PDE1C: variants seen among roughly 807,000 people sequenced by gnomAD.
PDE1C encodes the protein phosphodiesterase 1C.
Under a neutral mutation model 93.1 loss-of-function variants are expected in PDE1C, and 62 were observed. That is an observed-to-expected ratio of 0.67 (90% CI 0.54 to 0.82). The LOEUF (loss-of-function observed/expected upper bound fraction) is 0.82. Among genes scored for constraint, PDE1C ranks in the 40% least tolerant of loss-of-function variants. The probability of loss-of-function intolerance (pLI) is 0.00; values close to 1 mark genes in which losing one functional copy is unlikely to be tolerated. For missense variants in PDE1C, 742 were observed against 884.6 expected (o/e 0.84, Z 2.04); for synonymous variants, 325 against 310.1 (o/e 1.05, Z -0.50).
chr7:32,077,446 C>T (rs117109569), intron 3 of PDE1C, among the ~76,000 whole-genome samples: 2,716 of 152,100 alleles, frequency 0.018, 29 homozygotes, highest in Non-Finnish European at 0.023. Context: ...ATAGATATAC[C>T]GATAATTTTC....
At chr7:32,082,629 C>T (rs533965322) in intron 3 of PDE1C, among the ~76,000 whole-genome samples, 36 of 152,132 alleles carry the variant, frequency 2.4e-4, no homozygotes, top group Non-Finnish European at 4.3e-4. Context: ...ACACCTCACA[C>T]GGCTGGGTAC....
At chr7:32,082,020 G>A (rs1249341164) in intron 3 of PDE1C, among the ~76,000 whole-genome samples, 1 of 152,216 alleles carries the variant, frequency 6.6e-6, no homozygotes, top group Non-Finnish European at 1.5e-5. Flanking sequence ...GCAGGACAGT[G>A]GGTGCAGCGC....
At chr7:31,976,319 G>T (rs1811658717) in intron 2 of PDE1C, among the ~76,000 whole-genome samples, 1 of 152,140 alleles carries the variant, frequency 6.6e-6, no homozygotes, top group South Asian at 2.1e-4. Flanking sequence ...AAAAGAACCA[G>T]TCTAGAAGAG....
chr7:32,382,425 CA>C (rs2128090543), intron 1 of PDE1C, among the ~76,000 whole-genome samples: 1 of 152,268 alleles, frequency 6.6e-6, no homozygotes, highest in African/African-American at 2.4e-5. Flanking sequence ...TCCCTGTCCC[CA>C]GAGCTGAGTC....
At chr7:31,762,035 C>G (rs566626707) in intron 17 of PDE1C, among the ~76,000 whole-genome samples, 67 of 152,342 alleles carry the variant, frequency 4.4e-4, no homozygotes, top group African/African-American at 1.6e-3. Flanking sequence ...ATTTCCATCC[C>G]TTTCCTCAGA....
At chr7:31,716,625 C>T in the PDE1C span, among the ~76,000 whole-genome samples, 1 of 152,192 alleles carries the variant, frequency 6.6e-6, no homozygotes, top group Non-Finnish European at 1.5e-5. Context: ...GGTGAGTGGT[C>T]ACTATGCATC....
chr7:32,209,687 G>A lies in PDE1C; in HGVS notation c.86-148C>T, dbSNP rs768555127. On this transcript the variant is annotated intron_variant, in intron 1 of 18. Coordinates refer to the PDE1C transcript ENST00000396193. ...GAATAAAAGCAACTTTACTCCCTCC[G>A]TGTCTGTATTTCCAAGGCTGCCCTC... 219 of 635,190 alleles carry A rather than the reference G, an allele frequency of 3.4e-4. 1 individual carries two copies. The highest frequency in any genetic ancestry group is 7.8e-5 in the Non-Finnish European group (29 of 373,596). 39.3% of individuals were successfully genotyped at this position (635,190 alleles called of 1,614,324 possible). A position where few individuals can be genotyped will look rare whatever the true frequency, so the allele number is the denominator to read the frequency against.
At chr7:32,082,808 A>C (rs1307502000) in intron 3 of PDE1C, among the ~76,000 whole-genome samples, 1 of 152,216 alleles carries the variant, frequency 6.6e-6, no homozygotes, top group Non-Finnish European at 1.5e-5. Flanking sequence ...TATTAGAAGG[A>C]AAACTAACAA....
chr7:31,743,324 C>A, the PDE1C span, among the ~76,000 whole-genome samples: 2 of 152,078 alleles, frequency 1.3e-5, no homozygotes, highest in Non-Finnish European at 2.9e-5. Flanking sequence ...ATAACACGGG[C>A]CTTCTTCGGA....
At chr7:31,743,607 G>A in the PDE1C span, among the ~76,000 whole-genome samples, 1 of 151,638 alleles carries the variant, frequency 6.6e-6, no homozygotes, top group Non-Finnish European at 1.5e-5. Context: ...ATTCTGTTCT[G>A]CAAAAAAGTA....
chr7:31,759,493 C>T (rs1009651129), intron 17 of PDE1C, among the ~76,000 whole-genome samples: 15 of 152,208 alleles, frequency 9.9e-5, no homozygotes, highest in African/African-American at 3.6e-4. Context: ...TTGGACACTT[C>T]TTCCCCTTGG....
intron 3 of PDE1C, among the ~76,000 whole-genome samples, chr7:32,145,671 T>C (rs926372088): frequency 1.3e-5 from 2 of 152,178 alleles, no homozygotes; most frequent in African/African-American, 4.8e-5. Flanking sequence ...CTAATAACTA[T>C]TCAAAATAGT....
At chr7:32,097,889 G>T (rs1563310636) in intron 3 of PDE1C, among the ~76,000 whole-genome samples, 3 of 152,162 alleles carry the variant, frequency 2.0e-5, no homozygotes, top group Admixed American at 2.0e-4. Context: ...AAGGAAAGGT[G>T]CTAATAATGC....
rs1415659204 is a variant in PDE1C at position 32,420,370 on chromosome 7, TATATATGTGTATATATATATATACAC to T, written c.310+7426_310+7451del. Among the ~76,000 whole-genome samples the T allele has an allele frequency of 6.2e-4, 25 of 40,564 alleles. 7 individuals are homozygous for T. The highest frequency in any genetic ancestry group is 2.4e-3 in the African/African-American group (25 of 10,416). 26.6% of individuals were successfully genotyped at this position (40,564 alleles called of 152,430 possible). A position where few individuals can be genotyped will look rare whatever the true frequency, so the allele number is the denominator to read the frequency against. Reference sequence around the variant, plus strand: ...ATATATGTGTATATATATATGTGTATATATATGTGTATATATATATATACACACACACACACACACACACATATACA... The same window carrying T: ...ATATATGTGTATATATATATGTGTATACACACACACACACACACATATACA... On this transcript the variant is annotated intron_variant, in intron 1 of 1. Transcript: ENST00000672256.
intron 2 of PDE1C, among the ~76,000 whole-genome samples, chr7:31,914,920 CAAT>C: frequency 6.6e-6 from 1 of 152,316 alleles, no homozygotes; most frequent in Middle Eastern, 3.4e-3. Context: ...ACTTATGCGA[CAAT>C]GATGTTTTCT....
intron 2 of PDE1C, among the ~76,000 whole-genome samples, chr7:31,912,013 G>A (rs1012162001): frequency 1.3e-5 from 2 of 152,154 alleles, no homozygotes; most frequent in East Asian, 1.9e-4. Flanking sequence ...GCTTCAGGCA[G>A]GTGGTATTTT....
chr7:31,864,884 C>T (rs1251060223), intron 7 of PDE1C, 58 bp downstream of exon 7: 10 of 1,543,108 alleles, frequency 6.5e-6, no homozygotes, highest in Non-Finnish European at 8.9e-6. Flanking sequence ...GAACAGTCAC[C>T]ATTAAAAACT....
the PDE1C span, among the ~76,000 whole-genome samples, chr7:31,619,055 T>C: frequency 1.3e-5 from 2 of 152,228 alleles, no homozygotes; most frequent in African/African-American, 4.8e-5. Flanking sequence ...GATTCCATAC[T>C]GACCTTTGTC....
At chr7:31,871,249 C>A (rs1045732566) in intron 6 of PDE1C, among the ~76,000 whole-genome samples, 1 of 151,876 alleles carries the variant, frequency 6.6e-6, no homozygotes, top group Non-Finnish European at 1.5e-5. Context: ...CGGACTTAAA[C>A]ATAATACTCA....
Sources: allele counts gnomAD v4.1 joint callset (sites outside exome capture counted in the v4.1 genomes callset), GRCh38; gene constraint gnomAD v4.1.1; transcripts MANE v1.5; gene names NCBI Gene and HGNC (gene_info 2026-07-23, HGNC 2026-07-21).